The following RBMS3 variants were observed in gnomAD, a reference collection of about 807,000 sequenced individuals.
RBMS3 encodes RNA-binding motif, single-stranded-interacting protein 3.
RBMS3 carries 27 observed loss-of-function variants against 66.8 expected under a neutral mutation model. That is an observed-to-expected ratio of 0.40 (90% CI 0.30 to 0.56). RBMS3 has a LOEUF of 0.56. Ranked by LOEUF, RBMS3 falls within the 20% of genes least tolerant of loss-of-function variation. RBMS3 has a pLI of 0.40. For missense variants in RBMS3, 513 were observed against 549.5 expected (o/e 0.93, Z 0.66); for synonymous variants, 188 against 183.0 (o/e 1.03, Z -0.22).
At chr3:29,992,930 A>G (rs73049045) in intron 14 of RBMS3, among the ~76,000 whole-genome samples, 7,929 of 152,288 alleles carry the variant, frequency 0.052, 275 homozygotes, top group Non-Finnish European at 0.08. Flanking sequence ...GCAAAAGTCT[A>G]CGCCTACTCA....
intron 1 of RBMS3, among the ~76,000 whole-genome samples, chr3:29,389,663 T>G (rs938820166): frequency 1.3e-5 from 2 of 152,212 alleles, no homozygotes; most frequent in Admixed American, 6.5e-5. Flanking sequence ...ATTCGTTGTT[T>G]CTGAAGTTCT....
In RBMS3 at chr3:30,004,057, C is replaced by T; in HGVS notation, c.*195C>T. On this transcript the variant is annotated 3_prime_UTR_variant, in exon 15 of 15. Transcript: ENST00000383767. ...GCTGTGCAAATGGTCTTCATGTGGT[C>T]TGACAATTTATTTTTGCCATCATTT... 2.6e-6 allele frequency: 1 copy of T among 386,030 alleles called. No individual in the cohort carries two copies. The highest frequency in any genetic ancestry group is 4.5e-6 in the Non-Finnish European group (1 of 220,832). The allele number at this position is 386,030 out of a possible 1,614,324, so 23.9% of individuals were successfully genotyped here. A position where few individuals can be genotyped will look rare whatever the true frequency, so the allele number is the denominator to read the frequency against.
At chr3:29,779,456 C>G (rs2149407028) in intron 6 of RBMS3, among the ~76,000 whole-genome samples, 1 of 151,610 alleles carries the variant, frequency 6.6e-6, no homozygotes, top group South Asian at 2.1e-4. Context: ...GCCATGGACA[C>G]TGAGTGAGAT....
intron 2 of RBMS3, among the ~76,000 whole-genome samples, chr3:29,441,740 T>G (rs1211668599): frequency 6.6e-6 from 1 of 152,176 alleles, no homozygotes; most frequent in Non-Finnish European, 1.5e-5. Context: ...ACCTGGATTT[T>G]GGGATTTTTT....
At chr3:29,837,605 C>T (rs2058546227) in intron 6 of RBMS3, among the ~76,000 whole-genome samples, 1 of 138,638 alleles carries the variant, frequency 7.2e-6, no homozygotes, top group African/African-American at 2.7e-5. Flanking sequence ...GTAACAGTAA[C>T]TTTGGACATA....
chr3:29,615,600 C>T (rs2048643293), intron 4 of RBMS3, among the ~76,000 whole-genome samples: 1 of 151,812 alleles, frequency 6.6e-6, no homozygotes, highest in Admixed American at 6.6e-5. Flanking sequence ...TATTTTAAAT[C>T]AGATTTTGTT....
intron 4 of RBMS3, among the ~76,000 whole-genome samples, chr3:29,659,255 C>A (rs1317999279): frequency 6.6e-6 from 1 of 152,014 alleles, no homozygotes; most frequent in Non-Finnish European, 1.5e-5. Context: ...CCATCTTAAC[C>A]ATTTTTAAAT....
chr3:29,503,255 G>C (rs1451624677), intron 3 of RBMS3, among the ~76,000 whole-genome samples: 1 of 151,916 alleles, frequency 6.6e-6, no homozygotes, highest in Admixed American at 6.6e-5. Flanking sequence ...TTGAAATCTG[G>C]TTTTTCTCAG....
chr3:29,914,513 G>A (rs1232856771), intron 10 of RBMS3, among the ~76,000 whole-genome samples: 7 of 151,602 alleles, frequency 4.6e-5, no homozygotes, highest in African/African-American at 7.3e-5. Context: ...CTAGTGTTGT[G>A]CATACGCTGA....
chr3:29,528,653 A>G (rs1379744942), intron 3 of RBMS3, among the ~76,000 whole-genome samples: 1 of 152,148 alleles, frequency 6.6e-6, no homozygotes, highest in African/African-American at 2.4e-5. Flanking sequence ...AACTTTAGGT[A>G]TTTTTGTTTA....
At chr3:29,860,980 CAGCCTCCCGAGT>C (rs2059198988) in intron 6 of RBMS3, among the ~76,000 whole-genome samples, 1 of 152,216 alleles carries the variant, frequency 6.6e-6, no homozygotes, top group Non-Finnish European at 1.5e-5. Context: ...TCTCCTGCCT[CAGCCTCCCGAGT>C]AGCTGCAACT....
chr3:29,478,017 C>T (rs1330763864), intron 2 of RBMS3, among the ~76,000 whole-genome samples: 1 of 152,126 alleles, frequency 6.6e-6, no homozygotes, highest in Admixed American at 6.5e-5. Flanking sequence ...CATCCACTGA[C>T]CTTGGCCTCC....
chr3:29,414,483 C>T (rs1043087289), intron 1 of RBMS3, among the ~76,000 whole-genome samples: 6 of 152,162 alleles, frequency 3.9e-5, no homozygotes, highest in Admixed American at 6.5e-5. Context: ...AATGCTTTTT[C>T]GTGAAACATA....
intron 4 of RBMS3, among the ~76,000 whole-genome samples, chr3:29,606,622 C>T (rs1045921728): frequency 4.6e-5 from 7 of 151,840 alleles, no homozygotes; most frequent in African/African-American, 1.7e-4. Flanking sequence ...GAACATATGA[C>T]TGTATTTTAT....
At chr3:29,784,313 A>G (rs2056744826) in intron 6 of RBMS3, among the ~76,000 whole-genome samples, 1 of 152,162 alleles carries the variant, frequency 6.6e-6, no homozygotes, top group Non-Finnish European at 1.5e-5. Flanking sequence ...ACATTTAAGA[A>G]AATTGAAATT....
At chr3:29,408,162 C>T (rs1217671417) in intron 1 of RBMS3, among the ~76,000 whole-genome samples, 1 of 149,234 alleles carries the variant, frequency 6.7e-6, no homozygotes, top group Non-Finnish European at 1.5e-5. Context: ...GCCCCAGCTA[C>T]TTGGGAGGCT....
At chr3:29,679,794 T>G (rs2051412610) in intron 4 of RBMS3, among the ~76,000 whole-genome samples, 1 of 141,378 alleles carries the variant, frequency 7.1e-6, no homozygotes, top group African/African-American at 3.1e-5. Flanking sequence ...ATATTATACA[T>G]AGTGTTATAA....
intron 4 of RBMS3, among the ~76,000 whole-genome samples, chr3:29,718,090 A>T (rs1014472818): frequency 4.6e-5 from 7 of 152,068 alleles, no homozygotes; most frequent in African/African-American, 1.7e-4. Flanking sequence ...AGATTAAAGG[A>T]TCCCTTTTTC....
chr3:29,350,090 G>T (rs1051716963), intron 1 of RBMS3, among the ~76,000 whole-genome samples: 1 of 151,572 alleles, frequency 6.6e-6, no homozygotes, highest in Non-Finnish European at 1.5e-5. Context: ...AACCTGGGAG[G>T]CGGAGGTTGC....
Sources: gnomAD v4.1 joint callset for allele counts (sites outside exome capture counted in the v4.1 genomes callset) on GRCh38, gnomAD v4.1.1 for gene constraint, MANE v1.5 for transcripts, NCBI Gene and HGNC (gene_info 2026-07-23, HGNC 2026-07-21) for gene names.